The following GINS1 variants were observed in gnomAD, a reference collection of about 807,000 sequenced individuals.
GINS1 encodes DNA replication complex GINS protein PSF1.
GINS1 carries 26 observed loss-of-function variants against 34.9 expected under a neutral mutation model. That is an observed-to-expected ratio of 0.74 (90% CI 0.55 to 1.03). The LOEUF is 1.03. Among genes scored for constraint, GINS1 ranks in the 50% least tolerant of loss-of-function variants. The pLI is 0.00. For missense variants in GINS1, 235 were observed against 237.9 expected, an observed-to-expected ratio of 0.99 and a Z score of 0.08; for synonymous variants, 97 against 84.4, an observed-to-expected ratio of 1.15 and a Z score of -0.82.
chr20:25,444,647 GCCTT>G (rs1331149837), intron 6 of GINS1, among the ~76,000 whole-genome samples: 1 of 152,126 alleles, frequency 6.6e-6, no homozygotes, highest in Admixed American at 6.5e-5. Context: ...GAATTGAAAA[GCCTT>G]CCTGCCTTGC....
At position 25,407,872 on chromosome 20, in the gene GINS1, G is replaced by A. The variant is rs534317337; in HGVS notation, c.52G>A (p.Glu18Lys). Residue 18 changes from glutamate to lysine, a missense_variant, in exon 1 of 7, where the codon GAA (glutamate) becomes AAA (lysine). Physicochemically the swap from Glu to Lys is moderately conservative, Grantham distance 56. Transcript: ENST00000262460. ...ELIRELHRAP[E>K]GQLPAFNEDG... ...GATCCGCGAGCTGCATCGCGCGCCC[G>A]AAGGGCAACTGCCTGCCTTCAACGT... 3 of 1,613,828 alleles carry A rather than the reference G, an allele frequency of 1.9e-6. No homozygotes were observed. The highest frequency in any genetic ancestry group is 2.2e-5 in the East Asian group (1 of 44,888).
rs148212253 is a variant in GINS1, at chr20:25,408,267, A to G, written c.75+372A>G. 1.7e-3 allele frequency among the ~76,000 whole-genome samples: 258 copies of G among 152,266 alleles called. 2 individuals are homozygous for G. Among genetic ancestry groups the G allele is most frequent in the African/African-American group, 6.0e-3 (249 of 41,542 alleles). On this transcript the variant is annotated intron_variant, in intron 1 of 6. Coordinates refer to ENST00000262460, the MANE Select transcript of GINS1 (RefSeq NM_021067.5). Reference sequence around the variant, plus strand: ...GCTGAGATTCTGGTTCTGTAGTGTGACTTTGGGGCAGTTACTCAAGCTTTC... The same window carrying G: ...GCTGAGATTCTGGTTCTGTAGTGTGGCTTTGGGGCAGTTACTCAAGCTTTC...
At chr20:25,410,434 C>T (rs1024592581) in intron 1 of GINS1, among the ~76,000 whole-genome samples, 2 of 152,190 alleles carry the variant, frequency 1.3e-5, no homozygotes, top group East Asian at 1.9e-4. Context: ...GACAAACCCA[C>T]CTGATACTCA....
In GINS1 at chr20:25,413,858, A is replaced by G. The variant is rs767649052; in HGVS notation, c.140+4A>G. 1.3e-6 allele frequency: 2 copies of G among 1,487,688 alleles called. No individual in the cohort carries two copies. Among genetic ancestry groups the G allele is most frequent in the South Asian group, 1.1e-5 (1 of 88,572 alleles). 92.2% of individuals were successfully genotyped at this position (1,487,688 alleles called of 1,614,324 possible). ...ATGAACAAAACCAGTCTGATGTGTA[A>G]GTTTCATAAGATGATATTCTAAAAC... On this transcript the variant is annotated splice_donor_region_variant and intron_variant, in intron 2 of 6. Transcript: ENST00000262460.
At chr20:25,445,348 ATTT>A (rs61186516) in intron 6 of GINS1, among the ~76,000 whole-genome samples, 2 of 138,358 alleles carry the variant, frequency 1.4e-5, no homozygotes, top group Non-Finnish European at 1.6e-5. Flanking sequence ...CGCCTGGCTA[ATTT>A]TTTTTTTTTT....
chr20:25,413,748 T>TG (rs771763769), intron 1 of GINS1, 42 bp from the exon 2 acceptor site: 2 of 1,092,260 alleles, frequency 1.8e-6, no homozygotes, highest in Non-Finnish European at 2.8e-6. Context: ...ACAGAATTGG[T>TG]GGGGAAATCA....
chr20:25,442,673 T>A (rs986898639), intron 6 of GINS1, among the ~76,000 whole-genome samples: 1 of 150,182 alleles, frequency 6.7e-6, no homozygotes, highest in African/African-American at 2.5e-5. Flanking sequence ...AGTGGCGGGA[T>A]CTCCACTCAT....
chr20:25,413,950 G>A (rs1415981029), intron 2 of GINS1, 96 bp downstream of exon 2: 2 of 719,498 alleles, frequency 2.8e-6, no homozygotes, highest in Non-Finnish European at 5.1e-6. Flanking sequence ...CCAGCACTTT[G>A]GGAGGCTGAG....
chr20:25,427,115 G>C (rs1029975984), intron 5 of GINS1, among the ~76,000 whole-genome samples: 1 of 151,812 alleles, frequency 6.6e-6, no homozygotes, highest in Non-Finnish European at 1.5e-5. Context: ...CCAACATTAC[G>C]CAAGGGTTCC....
intron 2 of GINS1, among the ~76,000 whole-genome samples, chr20:25,416,136 G>T (rs969813107): frequency 6.6e-6 from 1 of 152,186 alleles, no homozygotes; most frequent in African/African-American, 2.4e-5. Context: ...GTTGCTGTGT[G>T]GAGGGGCTGA....
At chr20:25,417,317 A>C in intron 3 of GINS1, 115 bp downstream of exon 3, 1 of 636,780 alleles carries the variant, frequency 1.6e-6, no homozygotes, top group Non-Finnish European at 2.8e-6. Context: ...AAGCATTCTA[A>C]ATTTTTCCTC....
At chr20:25,425,746 A>G (rs1434358350) in intron 5 of GINS1, among the ~76,000 whole-genome samples, 4 of 152,178 alleles carry the variant, frequency 2.6e-5, no homozygotes, top group Non-Finnish European at 4.4e-5. Flanking sequence ...TTTTGAAAGT[A>G]AAAAAAGCAA....
chr20:25,417,344 T>A lies in GINS1; in HGVS notation c.239+142T>A, dbSNP rs531198201. 1.1e-3 allele frequency: 663 copies of A among 601,214 alleles called. 1 individual carries two copies. Among genetic ancestry groups the A allele is most frequent in the South Asian group, 1.8e-3 (90 of 49,382 alleles). 37.2% of individuals were successfully genotyped at this position (601,214 alleles called of 1,614,324 possible). A position where few individuals can be genotyped will look rare whatever the true frequency, so the allele number is the denominator to read the frequency against. ...TTTTTCCTCTGTGTTTTCATTTTTT[T>A]AATTTTTTATTATGAAAAATCACAA... On this transcript the variant is annotated intron_variant, in intron 3 of 6. Transcript: ENST00000262460.
At chr20:25,415,640 G>A (rs561022965) in intron 2 of GINS1, among the ~76,000 whole-genome samples, 3 of 149,500 alleles carry the variant, frequency 2.0e-5, no homozygotes, top group African/African-American at 7.4e-5. Context: ...AGTCGAGATC[G>A]CGTCATTGCA....
At chr20:25,437,750 A>G (rs574832057) in intron 5 of GINS1, among the ~76,000 whole-genome samples, 1 of 152,362 alleles carries the variant, frequency 6.6e-6, no homozygotes, top group African/African-American at 2.4e-5. Context: ...TAATTTTGTT[A>G]CTGTTATTTT....
Position 25,407,878 on chromosome 20 carries a change from C to T in GINS1, c.58C>T (p.Gln20Ter). Residue 20 changes from glutamine (Q) to a stop codon, truncating the protein, a stop_gained, in exon 1 of 7, where the codon CAA (glutamine) becomes TAA (stop). Coordinates refer to ENST00000262460, the MANE Select transcript of GINS1 (RefSeq NM_021067.5). LOFTEE classifies it high-confidence loss of function. ...CGAGCTGCATCGCGCGCCCGAAGGG[C>T]AACTGCCTGCCTTCAACGTGAGGGG... ...IRELHRAPEG[Q>*]LPAFNEDGLR... The T allele has an allele frequency of 1.9e-6, 3 of 1,613,342 alleles. No individual in the cohort carries two copies. The highest frequency in any genetic ancestry group is 2.5e-6 in the Non-Finnish European group (3 of 1,179,358).
intron 5 of GINS1, among the ~76,000 whole-genome samples, chr20:25,438,119 C>CAAAAA (rs34107871): frequency 1.2e-3 from 122 of 98,274 alleles, no homozygotes; most frequent in African/African-American, 4.5e-3. Flanking sequence ...AACTCCGTCT[C>CAAAAA]AAAAAAAAAA....
chr20:25,415,380 A>G (rs2090313773), intron 2 of GINS1, among the ~76,000 whole-genome samples: 1 of 152,194 alleles, frequency 6.6e-6, no homozygotes, highest in Non-Finnish European at 1.5e-5. Flanking sequence ...TCAGTGGTAA[A>G]CAACAGTCAA....
chr20:25,442,607 A>AT (rs1233323799), intron 6 of GINS1, among the ~76,000 whole-genome samples: 3 of 108,160 alleles, frequency 2.8e-5, no homozygotes, highest in Admixed American at 8.5e-5. Context: ...TATTATTATT[A>AT]TTATTTTTTT....
Sources: gnomAD v4.1 joint callset for allele counts (sites outside exome capture counted in the v4.1 genomes callset) on GRCh38, gnomAD v4.1.1 for gene constraint, MANE v1.5 for transcripts, NCBI Gene and HGNC (gene_info 2026-07-23, HGNC 2026-07-21) for gene names.